MTMR3: variants seen among roughly 807,000 people sequenced by gnomAD.
MTMR3 encodes the protein myotubularin related protein 3.
A neutral mutation model predicts 132.4 loss-of-function variants in MTMR3; 32 were observed. The observed-to-expected ratio is 0.24, with a 90% confidence interval of 0.18 to 0.32. The LOEUF (loss-of-function observed/expected upper bound fraction) is 0.32. Ranked by LOEUF, MTMR3 falls within the 10% of genes least tolerant of loss-of-function variation. The pLI is 1.00. For synonymous variants in MTMR3, 556 were observed against 550.3 expected (o/e 1.01, Z -0.14); for missense variants, 1,216 against 1,489.6 (o/e 0.82, Z 3.02).
intron 1 of MTMR3, among the ~76,000 whole-genome samples, chr22:29,884,872 ACT>A (rs1469496320): frequency 6.6e-6 from 1 of 152,148 alleles, no homozygotes. Context: ...CCAGAATGAC[ACT>A]GTTTTGAGTA....
chr22:29,891,474 G>A (rs1012614753), intron 1 of MTMR3, among the ~76,000 whole-genome samples: 3 of 151,528 alleles, frequency 2.0e-5, no homozygotes, highest in Admixed American at 6.6e-5. Flanking sequence ...TTCTGTTACC[G>A]AGGCTGGTGT....
intron 5 of MTMR3, chr22:29,980,656 T>A (rs2066722510): frequency 6.6e-6 from 1 of 152,266 alleles, no homozygotes; most frequent in South Asian, 2.1e-4. Context: ...TAGTTTCATA[T>A]CATTGCATTT....
At chr22:30,024,324 A>C (rs1205722520) in intron 19 of MTMR3, 1 of 152,224 alleles carries the variant, frequency 6.6e-6, no homozygotes, top group East Asian at 1.9e-4. Flanking sequence ...AAAGAAAGAA[A>C]AGCATCAAAT....
At position 30,025,585 on chromosome 22, in the gene MTMR3, C is replaced by T. The variant is rs564053093; in HGVS notation, c.3426-45C>T. On this transcript the variant is annotated intron_variant, in intron 19 of 19. Transcript: ENST00000401950. ...TTTGAAGTTGGTTTCCCTCCGCATA[C>T]CTGCTGGCCAAAACTAACATTGTTC... 14 of 1,606,830 alleles carry T rather than the reference C, an allele frequency of 8.7e-6. No homozygotes were observed. The East Asian group carries it at 1.1e-4, about 13-fold the overall frequency.
chr22:29,916,134 C>T (rs1305097273), intron 1 of MTMR3, among the ~76,000 whole-genome samples: 1 of 152,148 alleles, frequency 6.6e-6, no homozygotes, highest in Non-Finnish European at 1.5e-5. Flanking sequence ...AAGCTTTGTT[C>T]ATCTGGGCCT....
At chr22:30,008,481 G>A (rs572734604) in intron 11 of MTMR3, 2 of 165,702 alleles carry the variant, frequency 1.2e-5, no homozygotes, top group East Asian at 3.5e-4. Context: ...CCCTAGTAAG[G>A]TATCTCTGTC....
chr22:29,896,783 C>T (rs958580483), intron 1 of MTMR3, among the ~76,000 whole-genome samples: 1 of 151,176 alleles, frequency 6.6e-6, no homozygotes, highest in African/African-American at 2.4e-5. Flanking sequence ...TTCAACAGTG[C>T]AAAAACTGCA....
In MTMR3 at chr22:30,020,536, C is replaced by A; in HGVS notation, c.2877C>A (p.Ala959=). The part of the protein sequence containing the change: ...QMYPTPNGHC[A]NGEAGRSKDS... ...ACCCCACACCCAATGGGCATTGCGC[C>A]AATGGGGAGGCTGGTAGGAGCAAGG... Residue 959 remains alanine, a synonymous_variant, in exon 17 of 20, where the codon GCC becomes GCA. Transcript: ENST00000401950. 1.2e-6 allele frequency: 2 copies of A among 1,614,154 alleles called. No individual in the cohort carries two copies. The highest frequency in any genetic ancestry group is 1.7e-6 in the Non-Finnish European group (2 of 1,180,020).
chr22:29,974,842 TTA>T lies in MTMR3; in HGVS notation c.4-3598_4-3597del, dbSNP rs200274790. Reference sequence around the variant, plus strand: ...AAAAAGTTAATGTGATGCTGAGAAGTTATGTTAAAAGTATACTTTTATGTAAG... The same window carrying T: ...AAAAAGTTAATGTGATGCTGAGAAGTTGTTAAAAGTATACTTTTATGTAAG... On this transcript the variant is annotated intron_variant, in intron 3 of 19. Coordinates refer to ENST00000401950, the MANE Select transcript of MTMR3 (RefSeq NM_021090.4). Among the ~76,000 whole-genome samples, 145 of 152,314 alleles carry T rather than the reference TTA, an allele frequency of 9.5e-4. 3 individuals are homozygous for T. The East Asian group carries it at 0.027, about 28-fold the overall frequency.
At chr22:29,909,065 A>G (rs1361769903) in intron 1 of MTMR3, among the ~76,000 whole-genome samples, 3 of 148,520 alleles carry the variant, frequency 2.0e-5, no homozygotes, top group Non-Finnish European at 3.0e-5. Context: ...TCGACCTTCC[A>G]GGCTCCCACG....
chr22:29,970,966 CCA>C lies in MTMR3; in HGVS notation c.-84-8_-84-7del. On this transcript the variant is annotated splice_polypyrimidine_tract_variant and splice_region_variant and intron_variant, in intron 2 of 19. Transcript: ENST00000401950. ...TTTTTCTTCTTCCCCCTCTTCCCCC[CCA>C]CCCCCAGACTTCACCATAAGGGAAA... The C allele has an allele frequency of 1.0e-6, 1 of 965,078 alleles. No individual in the cohort carries two copies. The highest frequency in any genetic ancestry group is 1.5e-6 in the Non-Finnish European group (1 of 685,766). The allele number at this position is 965,078 out of a possible 1,614,324, so 59.8% of individuals were successfully genotyped here.
chr22:29,907,076 C>G (rs2065118080), intron 1 of MTMR3, among the ~76,000 whole-genome samples: 1 of 150,914 alleles, frequency 6.6e-6, no homozygotes, highest in Non-Finnish European at 1.5e-5. Context: ...GACTCGGTCT[C>G]AAACAAACAA....
intron 1 of MTMR3, among the ~76,000 whole-genome samples, chr22:29,889,959 T>C (rs904014649): frequency 1.7e-4 from 24 of 143,708 alleles, no homozygotes; most frequent in African/African-American, 6.2e-4. Context: ...CAGGCTGGAG[T>C]GCGGTGGTGC....
intron 1 of MTMR3, among the ~76,000 whole-genome samples, chr22:29,956,561 T>C (rs997783497): frequency 2.6e-5 from 4 of 152,234 alleles, no homozygotes; most frequent in African/African-American, 9.6e-5. Flanking sequence ...TCTTTGTTTT[T>C]CTACCATATT....
Position 30,020,716 on chromosome 22 carries a change from C to T in MTMR3, c.3057C>T (p.Gly1019=). The T allele has an allele frequency of 6.2e-7, 1 of 1,614,242 alleles. No homozygotes were observed. Among genetic ancestry groups the T allele is most frequent in the Non-Finnish European group, 8.5e-7 (1 of 1,180,044 alleles). Residue 1019 remains glycine (G), a synonymous_variant, in exon 17 of 20, where the codon GGC becomes GGT. Transcript: ENST00000401950. ...QPSRSHLDDD[G]MSVYTDTIQQ... ...CCCGCAGCCACCTGGACGATGATGG[C>T]ATGTCAGTGTACACAGACACGATCC...
chr22:29,945,084 C>T (rs1040313251), intron 1 of MTMR3, among the ~76,000 whole-genome samples: 3 of 152,196 alleles, frequency 2.0e-5, no homozygotes, highest in African/African-American at 7.2e-5. Flanking sequence ...ATGATCACCA[C>T]TCACTGCATC....
At chr22:29,928,400 G>C (rs1056459365) in intron 1 of MTMR3, among the ~76,000 whole-genome samples, 4 of 151,940 alleles carry the variant, frequency 2.6e-5, no homozygotes, top group African/African-American at 9.7e-5. Flanking sequence ...TCGAACTCCT[G>C]ACCTCAGGTG....
chr22:29,914,093 A>C (rs943450536), intron 1 of MTMR3, among the ~76,000 whole-genome samples: 1 of 152,202 alleles, frequency 6.6e-6, no homozygotes, highest in Non-Finnish European at 1.5e-5. Context: ...AATATTTGCA[A>C]CATAGATCTT....
chr22:29,976,019 T>C (rs764630752), intron 3 of MTMR3, among the ~76,000 whole-genome samples: 1 of 152,228 alleles, frequency 6.6e-6, no homozygotes, highest in Non-Finnish European at 1.5e-5. Context: ...AGTGAATCTT[T>C]TATCCACATA....
Sources: gnomAD v4.1 joint callset for allele counts (sites outside exome capture counted in the v4.1 genomes callset) on GRCh38, gnomAD v4.1.1 for gene constraint, MANE v1.5 for transcripts, NCBI Gene and HGNC (gene_info 2026-07-23, HGNC 2026-07-21) for gene names.